The following SHROOM4 variants were observed in gnomAD, a reference collection of about 807,000 sequenced individuals.
SHROOM4 encodes shroom family member 4.
Under a neutral mutation model 80.3 loss-of-function variants are expected in SHROOM4, and 17 were observed. The observed-to-expected ratio is 0.21, with a 90% CI of 0.14 to 0.32. The LOEUF is 0.32. Ranked by LOEUF, SHROOM4 falls within the 10% of genes least tolerant of loss-of-function variation. The probability of loss-of-function intolerance (pLI) is 1.00; values close to 1 mark genes in which losing one functional copy is unlikely to be tolerated. For missense variants in SHROOM4, 993 were observed against 1,140.3 expected (o/e 0.87, Z 1.86); for synonymous variants, 400 against 437.5 (o/e 0.91, Z 1.07).
At chrX:50,609,879 T>C (rs1929877226) in intron 5 of SHROOM4, among the ~76,000 whole-genome samples, 1 of 110,731 alleles carries the variant, frequency 9.0e-6, no homozygotes, top group African/African-American at 3.3e-5. Context: ...ACATAAAAAT[T>C]CAAACTTCTG....
intron 1 of SHROOM4, among the ~76,000 whole-genome samples, chrX:50,758,293 A>T (rs1321861862): frequency 8.9e-6 from 1 of 112,123 alleles, no homozygotes; most frequent in Non-Finnish European, 1.9e-5. Flanking sequence ...TCTTGTTCCC[A>T]TCTTAAAGCA....
intron 5 of SHROOM4, among the ~76,000 whole-genome samples, chrX:50,614,998 T>TA (rs1930164432): frequency 8.9e-6 from 1 of 111,943 alleles, no homozygotes; most frequent in Non-Finnish European, 1.9e-5. Flanking sequence ...AGAATGTATA[T>TA]ACATGCACAC....
chrX:50,658,242 C>T (rs187211513), intron 2 of SHROOM4, among the ~76,000 whole-genome samples: 12 of 111,445 alleles, frequency 1.1e-4, no homozygotes, highest in Admixed American at 5.7e-4. Flanking sequence ...GTAGCATAAA[C>T]GAACTAAGAC....
At chrX:50,674,738 T>C (rs181085438) in intron 2 of SHROOM4, among the ~76,000 whole-genome samples, 1 of 111,826 alleles carries the variant, frequency 8.9e-6, no homozygotes, top group Admixed American at 9.5e-5. Flanking sequence ...AACCGATAAA[T>C]TGGATTTGAG....
intron 1 of SHROOM4, among the ~76,000 whole-genome samples, chrX:50,760,816 T>A (rs60600303): frequency 1.8e-3 from 206 of 111,842 alleles, no homozygotes; most frequent in African/African-American, 6.5e-3. Flanking sequence ...TCAGTTTTTT[T>A]ATCCAGTCTG....
chrX:50,658,229 G>T, intron 2 of SHROOM4, among the ~76,000 whole-genome samples: 1 of 111,481 alleles, frequency 9.0e-6, no homozygotes, highest in East Asian at 2.8e-4. Context: ...GTATTTTGTT[G>T]TGGTAGCATA....
At chrX:50,624,257 T>A (rs1253797332) in intron 5 of SHROOM4, among the ~76,000 whole-genome samples, 1 of 112,136 alleles carries the variant, frequency 8.9e-6, no homozygotes, top group African/African-American at 3.2e-5. Context: ...CTATTTTCTA[T>A]GCCTACCGCT....
chrX:50,727,769 T>C (rs782308005), intron 1 of SHROOM4, among the ~76,000 whole-genome samples: 10 of 111,848 alleles, frequency 8.9e-5, no homozygotes, highest in Non-Finnish European at 1.5e-4. Flanking sequence ...TTTATAGCAG[T>C]GTGAAAATGA....
chrX:50,634,556 T>C lies in SHROOM4; in HGVS notation c.1517A>G (p.Glu506Gly). The change falls in exon 4 of 9, where the codon GAA becomes GGA. Residue 506 changes from glutamate to glycine, a missense_variant. By Grantham distance (98) the Glu-to-Gly change is moderately conservative (BLOSUM62 -2). Coordinates refer to ENST00000376020, the MANE Select transcript of SHROOM4 (RefSeq NM_020717.5). ...PHGEADGHPSEKGFLDPNRTS... is the reference protein window; with the variant it reads ...PHGEADGHPSGKGFLDPNRTS... Reference sequence around the variant, plus strand: ...TCTGTTTGGGTCCAGGAAACCTTTTTCTGAGGGGTGTCCATCAGCCTCTCC... The same window carrying C: ...TCTGTTTGGGTCCAGGAAACCTTTTCCTGAGGGGTGTCCATCAGCCTCTCC... 3 of 1,211,774 alleles carry C rather than the reference T, an allele frequency of 2.5e-6. No homozygotes were observed. Among genetic ancestry groups the C allele is most frequent in the Non-Finnish European group, 3.3e-6 (3 of 895,575 alleles).
chrX:50,627,568 G>A (rs374426259), intron 5 of SHROOM4, 46 bp downstream of exon 5: 2 of 1,109,616 alleles, frequency 1.8e-6, no homozygotes, highest in Non-Finnish European at 2.5e-6. Flanking sequence ...TTCTACAGAA[G>A]CTCCAGAGGC....
In SHROOM4 at chrX:50,591,625, T is replaced by A; in HGVS notation, c.*5070A>T. ...TTTCGCACTTCTTTTGTTAAATTATTCCTAAGTACTTTTTTCTTTTTGATG... is the reference window on the plus strand; with the variant it reads ...TTTCGCACTTCTTTTGTTAAATTATACCTAAGTACTTTTTTCTTTTTGATG... On this transcript the variant is annotated 3_prime_UTR_variant, in exon 9 of 9. Coordinates refer to ENST00000376020, the MANE Select transcript of SHROOM4 (RefSeq NM_020717.5). The A allele has an allele frequency of 3.4e-6, 1 of 294,380 alleles. No homozygotes were observed. Among genetic ancestry groups the A allele is most frequent in the South Asian group, 3.1e-5 (1 of 32,335 alleles). The allele number at this position is 294,380 out of a possible 1,213,427, so 24.3% of individuals were successfully genotyped here. A position where few individuals can be genotyped will look rare whatever the true frequency, so the allele number is the denominator to read the frequency against.
chrX:50,694,482 G>C (rs1933310614), intron 2 of SHROOM4, among the ~76,000 whole-genome samples: 1 of 98,490 alleles, frequency 1.0e-5, no homozygotes, highest in Non-Finnish European at 2.0e-5. Flanking sequence ...ATGCCTGTTG[G>C]CCATTTGTGT....
intron 1 of SHROOM4, among the ~76,000 whole-genome samples, chrX:50,733,707 G>T (rs1304061771): frequency 8.9e-6 from 1 of 112,117 alleles, no homozygotes; most frequent in African/African-American, 3.2e-5. Flanking sequence ...TTTAAGATTA[G>T]AAAAATGATA....
chrX:50,810,247 T>A (rs1044655797), intron 1 of SHROOM4, among the ~76,000 whole-genome samples: 1 of 111,408 alleles, frequency 9.0e-6, no homozygotes, highest in Non-Finnish European at 1.9e-5. Flanking sequence ...AGGGAAATCA[T>A]AGGAACCAGC....
rs1460957099 is a variant in SHROOM4 at position 50,587,224 on chromosome X, A to C, written c.*9471T>G. Among the ~76,000 whole-genome samples the C allele has an allele frequency of 8.9e-6, 1 of 112,320 alleles. No individual in the cohort carries two copies. Among genetic ancestry groups the C allele is most frequent in the African/African-American group, 3.2e-5 (1 of 30,923 alleles). On this transcript the variant is annotated 3_prime_UTR_variant, in exon 9 of 9. Coordinates refer to ENST00000376020, the MANE Select transcript of SHROOM4 (RefSeq NM_020717.5). ...TCATAAATAGCAGGCTTTTATCAAAAAGGCAAGGGATAACAAATGTTGATG... is the reference window on the plus strand; with the variant it reads ...TCATAAATAGCAGGCTTTTATCAAACAGGCAAGGGATAACAAATGTTGATG...
intron 2 of SHROOM4, among the ~76,000 whole-genome samples, chrX:50,652,194 C>G (rs1557258955): frequency 8.9e-6 from 1 of 111,940 alleles, no homozygotes; most frequent in African/African-American, 3.2e-5. Context: ...TTTACATTCC[C>G]ACCAACAGCG....
the SHROOM4 span, among the ~76,000 whole-genome samples, chrX:50,581,119 T>G: frequency 1.8e-5 from 2 of 111,807 alleles, no homozygotes; most frequent in Non-Finnish European, 3.8e-5. Flanking sequence ...AATCAGCTAT[T>G]CATACAAGTA....
intron 2 of SHROOM4, among the ~76,000 whole-genome samples, chrX:50,680,316 C>T (rs1932913143): frequency 8.9e-6 from 1 of 111,774 alleles, no homozygotes; most frequent in Admixed American, 9.5e-5. Flanking sequence ...ATGGTTTTAG[C>T]TCCTGCCAAA....
At chrX:50,630,530 C>T (rs1009836834) in intron 4 of SHROOM4, among the ~76,000 whole-genome samples, 4 of 110,976 alleles carry the variant, frequency 3.6e-5, no homozygotes, top group Admixed American at 9.6e-5. Flanking sequence ...GTTCCAGCTT[C>T]GGTGCCCTTA....
Sources: gnomAD v4.1 joint callset for allele counts (sites outside exome capture counted in the v4.1 genomes callset) on GRCh38, gnomAD v4.1.1 for gene constraint, MANE v1.5 for transcripts, NCBI Gene and HGNC (gene_info 2026-07-23, HGNC 2026-07-21) for gene names.